Variants in ATP2C2 observed in about 807,000 individuals in gnomAD.
ATP2C2 encodes ATPase secretory pathway Ca2+ transporting 2.
A neutral mutation model predicts 110.8 loss-of-function variants in ATP2C2; 171 were observed. The observed-to-expected ratio is 1.54, with a 90% CI of 1.36 to 1.75. The LOEUF (loss-of-function observed/expected upper bound fraction) is 1.75. Among genes scored for constraint, ATP2C2 ranks in the 40% most tolerant of loss-of-function variants. The probability of loss-of-function intolerance (pLI) is 0.00; values close to 1 mark genes in which losing one functional copy is unlikely to be tolerated. For missense variants in ATP2C2, 1,963 were observed against 1,235.0 expected, an observed-to-expected ratio of 1.59 and a Z score of -8.84; for synonymous variants, 804 against 508.4, an observed-to-expected ratio of 1.58 and a Z score of -7.82.
intron 2 of ATP2C2, among the ~76,000 whole-genome samples, chr16:84,402,926 C>G (rs184304613): frequency 3.0e-4 from 46 of 152,240 alleles, no homozygotes; most frequent in African/African-American, 1.1e-3. Flanking sequence ...CTTTTCCTAA[C>G]CGGAAGACTT....
At chr16:84,441,991 G>A (rs1017783778) in intron 14 of ATP2C2, among the ~76,000 whole-genome samples, 3 of 152,080 alleles carry the variant, frequency 2.0e-5, no homozygotes, top group Non-Finnish European at 4.4e-5. Flanking sequence ...AAAAGAAATG[G>A]GCAGAGAAGT....
At chr16:84,453,417 C>T (rs369349090) in intron 20 of ATP2C2, 46 bp downstream of exon 20, 6 of 1,610,018 alleles carry the variant, frequency 3.7e-6, no homozygotes, top group Non-Finnish European at 5.1e-6. Context: ...GGGGCCGGGC[C>T]AGAGACACTG....
At chr16:84,445,183 C>T (rs1322551395) in intron 15 of ATP2C2, among the ~76,000 whole-genome samples, 2 of 151,962 alleles carry the variant, frequency 1.3e-5, no homozygotes, top group African/African-American at 2.4e-5. Flanking sequence ...AGGTGCTCCC[C>T]GCCACGCCTC....
chr16:84,388,891 C>T (rs780754066), intron 1 of ATP2C2, among the ~76,000 whole-genome samples: 2 of 152,182 alleles, frequency 1.3e-5, no homozygotes, highest in Non-Finnish European at 2.9e-5. Flanking sequence ...CCTGCCTCAG[C>T]CTCCTGAGTA....
chr16:84,405,718 A>G (rs1322363206), intron 3 of ATP2C2, among the ~76,000 whole-genome samples: 1 of 143,380 alleles, frequency 7.0e-6, no homozygotes, highest in South Asian at 2.1e-4. Flanking sequence ...CCAGGAGTTC[A>G]AGACCAGCCC....
intron 7 of ATP2C2, among the ~76,000 whole-genome samples, chr16:84,418,254 G>A (rs1470139511): frequency 6.6e-6 from 1 of 152,208 alleles, no homozygotes; most frequent in Non-Finnish European, 1.5e-5. Context: ...TCTGTCTTCA[G>A]GCTCGGCCTG....
chr16:84,439,591 A>C lies in ATP2C2; in HGVS notation c.1209+67A>C, dbSNP rs551843989. 56 of 1,361,894 alleles carry C rather than the reference A, an allele frequency of 4.1e-5. No homozygotes were observed. The East Asian group carries it at 9.2e-4, about 22-fold the overall frequency. The allele number at this position is 1,361,894 out of a possible 1,614,324, so 84.4% of individuals were successfully genotyped here. Reference sequence around the variant, plus strand: ...GCCAGGCTGTCTCCTTTCTAAACTAAGCACACAATGTCTTCTAGAACACAA... The same window carrying C: ...GCCAGGCTGTCTCCTTTCTAAACTACGCACACAATGTCTTCTAGAACACAA... On this transcript the variant is annotated intron_variant, in intron 13 of 26. Coordinates refer to ENST00000262429, the MANE Select transcript of ATP2C2 (RefSeq NM_014861.4).
At chr16:84,450,786 G>A (rs1211798255) in intron 17 of ATP2C2, among the ~76,000 whole-genome samples, 1 of 152,130 alleles carries the variant, frequency 6.6e-6, no homozygotes, top group Non-Finnish European at 1.5e-5. Context: ...CTCACAGCAA[G>A]AGTCCCCTCA....
intron 1 of ATP2C2, among the ~76,000 whole-genome samples, chr16:84,376,091 G>A (rs976350531): frequency 6.6e-6 from 1 of 152,176 alleles, no homozygotes; most frequent in Non-Finnish European, 1.5e-5. Flanking sequence ...GGAGAAAGAG[G>A]TGGATGGGAC....
At chr16:84,389,943 G>A (rs1378721787) in intron 1 of ATP2C2, among the ~76,000 whole-genome samples, 4 of 151,848 alleles carry the variant, frequency 2.6e-5, no homozygotes, top group African/African-American at 7.3e-5. Context: ...GGCTGCTTTC[G>A]AACTCCTGAC....
intron 13 of ATP2C2, 49 bp downstream of exon 13, chr16:84,439,573 T>G (rs1379227403): frequency 6.5e-7 from 1 of 1,549,856 alleles, no homozygotes; most frequent in African/African-American, 1.4e-5. Flanking sequence ...CCAGCCAGGC[T>G]GTCTCCTTTC....
In ATP2C2 at chr16:84,463,799, T is replaced by C. The variant is rs1911646665; in HGVS notation, c.*67T>C. 7.2e-7 allele frequency: 1 copy of C among 1,394,288 alleles called. No homozygotes were observed. The highest frequency in any genetic ancestry group is 1.0e-6 in the Non-Finnish European group (1 of 983,526). 86.4% of individuals were successfully genotyped at this position (1,394,288 alleles called of 1,614,324 possible). A position where few individuals can be genotyped will look rare whatever the true frequency, so the allele number is the denominator to read the frequency against. On this transcript the variant is annotated 3_prime_UTR_variant, in exon 27 of 27. Transcript: ENST00000262429. Reference sequence around the variant, plus strand: ...GGTTGTGACTGTGGCCCCTGCCGTGTCTCCTCGTCAGGGGAGACTTTTAGG... The same window carrying C: ...GGTTGTGACTGTGGCCCCTGCCGTGCCTCCTCGTCAGGGGAGACTTTTAGG...
intron 1 of ATP2C2, among the ~76,000 whole-genome samples, chr16:84,389,209 C>T (rs11863271): frequency 0.16 from 24,113 of 152,192 alleles, 2,109 homozygotes; most frequent in Non-Finnish European, 0.2. Context: ...TTTTCTTGTT[C>T]TTCTCAGCAC....
Position 84,459,201 on chromosome 16 carries a change from C to T in ATP2C2, c.2216+13C>T, listed in dbSNP as rs370702907. 1.2e-5 allele frequency: 20 copies of T among 1,614,094 alleles called. No individual in the cohort carries two copies. The highest frequency in any genetic ancestry group is 1.0e-4 in the Admixed American group (6 of 60,014). ...TCCAGCTGAGCACGTAAGTAGAGGC[C>T]AGCATTCCGAGTGTCATTAAGCACC... On this transcript the variant is annotated intron_variant, in intron 22 of 26. Coordinates refer to ENST00000262429, the MANE Select transcript of ATP2C2 (RefSeq NM_014861.4).
intron 4 of ATP2C2, 116 bp downstream of exon 4, chr16:84,408,610 A>G: frequency 5.2e-6 from 4 of 772,484 alleles, no homozygotes; most frequent in Non-Finnish European, 8.3e-6. Context: ...AAAAAGGAGC[A>G]TACAGAAGAA....
intron 1 of ATP2C2, among the ~76,000 whole-genome samples, chr16:84,388,187 T>G (rs1320030584): frequency 6.6e-6 from 1 of 152,034 alleles, no homozygotes; most frequent in Non-Finnish European, 1.5e-5. Flanking sequence ...TAGCTGGGCA[T>G]GGTGGCAGGT....
rs112944370 is a variant in ATP2C2, at chr16:84,419,478, C to T, written c.625-2912C>T. ...TCACGCAGACCATATTCTCCCCACG[C>T]CAAGGTCCTTCAGTTAGTCACGTCT... On this transcript the variant is annotated intron_variant, in intron 7 of 26. Coordinates refer to ENST00000262429, the MANE Select transcript of ATP2C2 (RefSeq NM_014861.4). 2.1e-3 allele frequency among the ~76,000 whole-genome samples: 313 copies of T among 152,326 alleles called. 2 individuals carry two copies. The highest frequency in any genetic ancestry group is 7.1e-3 in the African/African-American group (297 of 41,568).
rs545507349 is a variant in ATP2C2, at chr16:84,446,797, C to T, written c.1503+367C>T. On this transcript the variant is annotated intron_variant, in intron 16 of 26. Coordinates refer to ENST00000262429, the MANE Select transcript of ATP2C2 (RefSeq NM_014861.4). ...CTGATGCAGGTGCAAATGTTGAGAT[C>T]GACCAGCCTGTAATCCAGTGACTGA... Among the ~76,000 whole-genome samples the T allele has an allele frequency of 9.9e-5, 15 of 152,284 alleles. No homozygotes were observed. The South Asian group carries it at 2.9e-3, about 29-fold the overall frequency.
intron 1 of ATP2C2, among the ~76,000 whole-genome samples, chr16:84,379,394 G>C (rs558185987): frequency 1.7e-3 from 263 of 152,274 alleles, no homozygotes; most frequent in African/African-American, 3.5e-3. Context: ...TTGAACTCCT[G>C]GGCTCAAGAG....
Sources: gnomAD v4.1 joint callset for allele counts (sites outside exome capture counted in the v4.1 genomes callset) on GRCh38, gnomAD v4.1.1 for gene constraint, MANE v1.5 for transcripts, NCBI Gene and HGNC (gene_info 2026-07-23, HGNC 2026-07-21) for gene names.